Variants in CDH13 observed in about 807,000 individuals in gnomAD.
CDH13 encodes the protein cadherin 13.
Under a neutral mutation model 63.8 loss-of-function variants are expected in CDH13, and 24 were observed. That is an observed-to-expected ratio of 0.38 (90% CI 0.27 to 0.53). The LOEUF (loss-of-function observed/expected upper bound fraction) is 0.53. Ranked by LOEUF, CDH13 falls within the 20% of genes least tolerant of loss-of-function variation. CDH13 has a pLI of 0.85. For synonymous variants in CDH13, 503 were observed against 355.3 expected, an observed-to-expected ratio of 1.42 and a Z score of -4.67; for missense variants, 1,049 against 903.1, an observed-to-expected ratio of 1.16 and a Z score of -2.07.
intron 5 of CDH13, among the ~76,000 whole-genome samples, chr16:83,299,188 T>G (rs1323318912): frequency 2.0e-5 from 3 of 152,180 alleles, no homozygotes; most frequent in Non-Finnish European, 4.4e-5. Context: ...ATCATGTATA[T>G]TTTCATTTTT....
intron 2 of CDH13, among the ~76,000 whole-genome samples, chr16:83,017,865 C>G (rs941556060): frequency 6.6e-6 from 1 of 152,176 alleles, no homozygotes; most frequent in African/African-American, 2.4e-5. Context: ...CTGCTAGCAT[C>G]TGCAGCTGGG....
intron 6 of CDH13, among the ~76,000 whole-genome samples, chr16:83,392,341 C>T (rs1047830503): frequency 6.6e-6 from 1 of 152,116 alleles, no homozygotes; most frequent in Non-Finnish European, 1.5e-5. Context: ...TAAATGAATG[C>T]TGGCTATTAT....
At chr16:82,759,688 G>A (rs1428138977) in intron 1 of CDH13, among the ~76,000 whole-genome samples, 1 of 151,934 alleles carries the variant, frequency 6.6e-6, no homozygotes, top group Non-Finnish European at 1.5e-5. Flanking sequence ...GGCAATTAAA[G>A]GAATGTATAC....
intron 6 of CDH13, among the ~76,000 whole-genome samples, chr16:83,412,637 T>C (rs2092144469): frequency 6.6e-6 from 1 of 152,028 alleles, no homozygotes; most frequent in Non-Finnish European, 1.5e-5. Flanking sequence ...GGGGAGAAGG[T>C]GGGGTGGGGC....
intron 7 of CDH13, among the ~76,000 whole-genome samples, chr16:83,533,564 C>T (rs2075127295): frequency 6.6e-6 from 1 of 151,998 alleles, no homozygotes; most frequent in African/African-American, 2.4e-5. Context: ...ATGGCACGGC[C>T]CACGGCTTCC....
chr16:83,635,191 T>A (rs192900744), intron 8 of CDH13, among the ~76,000 whole-genome samples: 1 of 152,310 alleles, frequency 6.6e-6, no homozygotes, highest in Non-Finnish European at 1.5e-5. Context: ...TAATAACTAA[T>A]GATATGAAAC....
At chr16:83,091,443 G>A (rs2151583278) in intron 3 of CDH13, among the ~76,000 whole-genome samples, 1 of 152,256 alleles carries the variant, frequency 6.6e-6, no homozygotes, top group East Asian at 1.9e-4. Flanking sequence ...CACAAAGGAT[G>A]ACTCCCTAAA....
intron 6 of CDH13, among the ~76,000 whole-genome samples, chr16:83,479,941 G>A (rs1167277718): frequency 2.6e-5 from 4 of 152,168 alleles, no homozygotes; most frequent in Admixed American, 6.5e-5. Context: ...ATATTCTTGG[G>A]GGAAGGTGTT....
At chr16:83,492,988 A>G (rs929374934) in intron 7 of CDH13, among the ~76,000 whole-genome samples, 4 of 152,166 alleles carry the variant, frequency 2.6e-5, no homozygotes, top group Non-Finnish European at 5.9e-5. Context: ...GGCCAAGGGC[A>G]TAGACTACCT....
chr16:82,818,168 T>G (rs2037818802), intron 1 of CDH13, among the ~76,000 whole-genome samples: 1 of 150,614 alleles, frequency 6.6e-6, no homozygotes, highest in African/African-American at 2.5e-5. Context: ...TCCAGGAGAT[T>G]TACATGTAGT....
intron 7 of CDH13, 38 bp from the exon 8 acceptor site, chr16:83,602,416 T>C (rs756875738): frequency 1.9e-6 from 3 of 1,612,708 alleles, no homozygotes; most frequent in East Asian, 2.2e-5. Context: ...AACCCAAATC[T>C]AAATGTCATA....
intron 2 of CDH13, among the ~76,000 whole-genome samples, chr16:82,868,093 G>A (rs56220520): frequency 0.011 from 1,711 of 152,202 alleles, 35 homozygotes; most frequent in African/African-American, 0.039. Context: ...GTTATGTAAC[G>A]TCCCCTGAAC....
At chr16:83,578,762 G>C (rs1324172327) in intron 7 of CDH13, among the ~76,000 whole-genome samples, 1 of 152,216 alleles carries the variant, frequency 6.6e-6, no homozygotes, top group East Asian at 1.9e-4. Context: ...CAATAGGAGA[G>C]ACTACTGGAT....
At chr16:82,956,278 G>T (rs1042423822) in intron 2 of CDH13, among the ~76,000 whole-genome samples, 1 of 151,836 alleles carries the variant, frequency 6.6e-6, no homozygotes, top group East Asian at 1.9e-4. Context: ...ATTTGCTTCT[G>T]TCTATCCTCA....
intron 1 of CDH13, among the ~76,000 whole-genome samples, chr16:82,775,857 A>G (rs1281326360): frequency 6.6e-6 from 1 of 152,124 alleles, no homozygotes; most frequent in Non-Finnish European, 1.5e-5. Context: ...TCTGCTTAGG[A>G]TGCATACTGA....
chr16:83,273,324 C>CT (rs1004519114), intron 5 of CDH13, among the ~76,000 whole-genome samples: 3 of 151,960 alleles, frequency 2.0e-5, no homozygotes, highest in African/African-American at 7.3e-5. Flanking sequence ...TTTCAATCCT[C>CT]TCCCACCCCC....
At chr16:83,169,316 A>G (rs1035115811) in intron 4 of CDH13, among the ~76,000 whole-genome samples, 5 of 151,894 alleles carry the variant, frequency 3.3e-5, no homozygotes, top group African/African-American at 1.2e-4. Context: ...AGCTGGGACT[A>G]CAGGCGCCTG....
intron 3 of CDH13, among the ~76,000 whole-genome samples, chr16:83,091,508 T>C (rs2033910758): frequency 6.6e-6 from 1 of 152,218 alleles, no homozygotes; most frequent in Non-Finnish European, 1.5e-5. Context: ...TTCAGTTCCT[T>C]ACAACTGCCT....
intron 3 of CDH13, among the ~76,000 whole-genome samples, chr16:83,083,978 C>T (rs191188659): frequency 1.3e-5 from 2 of 152,286 alleles, no homozygotes; most frequent in Non-Finnish European, 2.9e-5. Flanking sequence ...GTTTCGAGAC[C>T]AGACCTTTGC....
Sources: gnomAD v4.1 joint callset for allele counts (sites outside exome capture counted in the v4.1 genomes callset) on GRCh38, gnomAD v4.1.1 for gene constraint, MANE v1.5 for transcripts, NCBI Gene and HGNC (gene_info 2026-07-23, HGNC 2026-07-21) for gene names.